Variants in PTPRK observed in about 807,000 individuals in gnomAD.
PTPRK encodes protein tyrosine phosphatase receptor type K.
A neutral mutation model predicts 178.0 loss-of-function variants in PTPRK; 75 were observed. The ratio of observed to expected loss-of-function variants is 0.42; its 90% CI spans 0.35 to 0.51. The LOEUF (loss-of-function observed/expected upper bound fraction) is 0.51. Among genes scored for constraint, PTPRK ranks in the 20% least tolerant of loss-of-function variants. PTPRK has a pLI of 0.02. For missense variants in PTPRK, 1,441 were observed against 1,797.8 expected, an observed-to-expected ratio of 0.80 and a Z score of 3.59; for synonymous variants, 637 against 620.6, an observed-to-expected ratio of 1.03 and a Z score of -0.39.
In PTPRK at chr6:128,519,309, C is replaced by A. The variant is rs1158334861; in HGVS notation, c.100+950G>T. On this transcript the variant is annotated intron_variant, in intron 1 of 29. Coordinates refer to ENST00000368226, the MANE Select transcript of PTPRK (RefSeq NM_002844.4). The surrounding 1 kb of genome is among the most constrained non-coding windows in gnomAD (Gnocchi z 4.3). The stretch of plus-strand genomic sequence containing the variant: ...AACAAAACTGGAGGGGAACAGAGGG[C>A]GGGACCGGGAGAGCCAGGGTTCACG... Among the ~76,000 whole-genome samples, 1 of 152,216 alleles carries A rather than the reference C, an allele frequency of 6.6e-6. No homozygotes were observed. Among genetic ancestry groups the A allele is most frequent in the African/African-American group, 2.4e-5 (1 of 41,454 alleles).
At chr6:128,515,087 T>C (rs867801529) in intron 1 of PTPRK, among the ~76,000 whole-genome samples, 1 of 152,196 alleles carries the variant, frequency 6.6e-6, no homozygotes, top group Non-Finnish European at 1.5e-5. Context: ...ATATCAAACA[T>C]CATAACATTT....
At chr6:128,156,086 C>G (rs1583255637) in intron 7 of PTPRK, among the ~76,000 whole-genome samples, 1 of 151,958 alleles carries the variant, frequency 6.6e-6, no homozygotes, top group South Asian at 2.1e-4. Flanking sequence ...GTTTTGACTA[C>G]ATTTTTTTCT....
intron 7 of PTPRK, among the ~76,000 whole-genome samples, chr6:128,166,242 C>G (rs991986501): frequency 3.3e-5 from 5 of 151,640 alleles, no homozygotes; most frequent in Non-Finnish European, 7.4e-5. Flanking sequence ...ATAATCCCAA[C>G]AGAAAATTTT....
intron 1 of PTPRK, among the ~76,000 whole-genome samples, chr6:128,497,818 A>T (rs868683644): frequency 1.3e-5 from 2 of 152,184 alleles, no homozygotes; most frequent in Middle Eastern, 3.4e-3. Context: ...GCTAACAAAT[A>T]AACAGTAAAA....
intron 7 of PTPRK, among the ~76,000 whole-genome samples, chr6:128,122,646 C>T (rs1792669628): frequency 6.6e-6 from 1 of 152,130 alleles, no homozygotes; most frequent in Admixed American, 6.5e-5. Context: ...AGGAAATTTA[C>T]CAGCTGTATG....
intron 5 of PTPRK, among the ~76,000 whole-genome samples, chr6:128,228,640 A>G (rs1321192679): frequency 1.4e-5 from 2 of 145,160 alleles, no homozygotes; most frequent in South Asian, 2.3e-4. Flanking sequence ...AGCTGGGGTG[A>G]CAGAGTGAGA....
At chr6:128,131,717 G>A (rs896710587) in intron 7 of PTPRK, among the ~76,000 whole-genome samples, 1 of 151,954 alleles carries the variant, frequency 6.6e-6, no homozygotes, top group Admixed American at 6.6e-5. Flanking sequence ...TTTTAAAAGG[G>A]GTATCTCCAA....
chr6:128,470,595 G>T (rs1325810648), intron 1 of PTPRK, among the ~76,000 whole-genome samples: 2 of 151,882 alleles, frequency 1.3e-5, no homozygotes, highest in African/African-American at 4.8e-5. Flanking sequence ...AAGTGTTTCA[G>T]TTAATACTTG....
chr6:128,199,958 G>C (rs1805615310), intron 6 of PTPRK, among the ~76,000 whole-genome samples: 1 of 152,190 alleles, frequency 6.6e-6, no homozygotes, highest in Non-Finnish European at 1.5e-5. Flanking sequence ...GTATAGGTTA[G>C]AAGGAGCAGT....
chr6:127,995,272 G>T, intron 18 of PTPRK, 190 bp downstream of exon 18: 1 of 1,606,824 alleles, frequency 6.2e-7, no homozygotes, highest in Admixed American at 1.7e-5. Flanking sequence ...CAAATCTACA[G>T]CCCAAACCAA....
At chr6:128,198,085 A>G (rs946949867) in intron 6 of PTPRK, among the ~76,000 whole-genome samples, 1 of 152,122 alleles carries the variant, frequency 6.6e-6, no homozygotes, top group African/African-American at 2.4e-5. Context: ...CGGGACCCAA[A>G]TATCATACTG....
intron 21 of PTPRK, 118 bp from the exon 22 acceptor site, chr6:127,985,993 A>G (rs1775929917): frequency 1.0e-6 from 1 of 971,454 alleles, no homozygotes; most frequent in African/African-American, 1.7e-5. Flanking sequence ...ACCTTTACGA[A>G]AGACTATGCC....
chr6:128,357,018 G>T (rs191910204), intron 2 of PTPRK, among the ~76,000 whole-genome samples: 5 of 152,230 alleles, frequency 3.3e-5, no homozygotes, highest in African/African-American at 1.2e-4. Flanking sequence ...GTGGAGCTGG[G>T]GTTTGAATAC....
At chr6:128,075,926 T>C (rs1783735560) in intron 11 of PTPRK, among the ~76,000 whole-genome samples, 1 of 151,946 alleles carries the variant, frequency 6.6e-6, no homozygotes, top group Non-Finnish European at 1.5e-5. Context: ...CAGAACCCAG[T>C]ATTTAGGGTC....
intron 25 of PTPRK, among the ~76,000 whole-genome samples, chr6:127,978,117 T>C (rs899034527): frequency 6.6e-6 from 1 of 152,186 alleles, no homozygotes; most frequent in African/African-American, 2.4e-5. Context: ...TCTGAGTAGA[T>C]GACAATAATA....
chr6:128,369,346 G>A (rs920859326), intron 2 of PTPRK, among the ~76,000 whole-genome samples: 2 of 151,928 alleles, frequency 1.3e-5, no homozygotes, highest in Non-Finnish European at 2.9e-5. Context: ...GGGAACCCCA[G>A]GTAAAACCTC....
Position 128,361,590 on chromosome 6 carries a change from T to C in PTPRK, c.223+35976A>G, listed in dbSNP as rs537841818. ...GTGTTACTCACACAAACCTATACAA[T>C]AGATATAGTCTATTACATATGATAT... On this transcript the variant is annotated intron_variant, in intron 2 of 29. Coordinates refer to ENST00000368226, the MANE Select transcript of PTPRK (RefSeq NM_002844.4). 2.6e-5 allele frequency among the ~76,000 whole-genome samples: 4 copies of C among 152,244 alleles called. No individual in the cohort carries two copies. In the East Asian group the frequency reaches 7.7e-4, roughly 29 times the overall value.
At chr6:128,170,764 A>T (rs1316060314) in intron 7 of PTPRK, among the ~76,000 whole-genome samples, 1 of 152,044 alleles carries the variant, frequency 6.6e-6, no homozygotes, top group African/African-American at 2.4e-5. Flanking sequence ...GCAGTACAAA[A>T]TTTATCACTA....
chr6:128,397,939 AAAT>A (rs1379200210), intron 1 of PTPRK, among the ~76,000 whole-genome samples: 2 of 152,216 alleles, frequency 1.3e-5, no homozygotes, highest in Non-Finnish European at 2.9e-5. Flanking sequence ...GAATTATTAA[AAAT>A]AATAGATACA....
Sources: allele counts gnomAD v4.1 joint callset (sites outside exome capture counted in the v4.1 genomes callset), GRCh38; gene constraint gnomAD v4.1.1; non-coding constraint Gnocchi (gnomAD v3.1); transcripts MANE v1.5; gene names NCBI Gene and HGNC (gene_info 2026-07-23, HGNC 2026-07-21).